The following MRPL47 variants were observed in gnomAD, a reference collection of about 807,000 sequenced individuals.
MRPL47 encodes large ribosomal subunit protein uL29m.
Under a neutral mutation model 34.0 loss-of-function variants are expected in MRPL47, and 31 were observed. The ratio of observed to expected loss-of-function variants is 0.91; its 90% CI spans 0.68 to 1.23. MRPL47 has a LOEUF of 1.23. MRPL47 is among the 50% of genes most tolerant of loss of function. The pLI is 0.00. For synonymous variants in MRPL47, 106 were observed against 101.6 expected (o/e 1.04, Z -0.26); for missense variants, 328 against 285.8 (o/e 1.15, Z -1.07).
intron 4 of MRPL47, among the ~76,000 whole-genome samples, chr3:179,594,546 G>A (rs1372652154): frequency 1.3e-5 from 2 of 152,188 alleles, no homozygotes; most frequent in Admixed American, 6.5e-5. Flanking sequence ...GCAGTGGCGT[G>A]ATCTTGGCTC....
At position 179,588,970 on chromosome 3, in the gene MRPL47, T is replaced by C. The variant is rs773052856; in HGVS notation, c.655A>G (p.Ile219Val). The C allele has an allele frequency of 6.2e-6, 10 of 1,612,974 alleles. No homozygotes were observed. The highest frequency in any genetic ancestry group is 6.8e-6 in the Non-Finnish European group (8 of 1,179,478). ...LRLEREKRAR[I>V]KARKENLERK... Reference sequence around the variant, plus strand: ...TCTAAATTTTCCTTCCGTGCTTTGATGCGGGCTCGTTTCTCACGTTCCAGT... The same window carrying C: ...TCTAAATTTTCCTTCCGTGCTTTGACGCGGGCTCGTTTCTCACGTTCCAGT... Residue 219 changes from isoleucine to valine, a missense_variant, in exon 7 of 7, where the codon ATC (isoleucine) becomes GTC (valine). Coordinates refer to ENST00000476781, the MANE Select transcript of MRPL47 (RefSeq NM_020409.3).
chr3:179,598,898 C>A (rs1718857973), intron 3 of MRPL47, 127 bp from the exon 4 acceptor site: 5 of 626,228 alleles, frequency 8.0e-6, no homozygotes, highest in Non-Finnish European at 1.4e-5. Flanking sequence ...GTGGCTCACA[C>A]CTGTAATCCC....
At chr3:179,603,116 A>C (rs1371553112) in intron 1 of MRPL47, among the ~76,000 whole-genome samples, 1 of 152,144 alleles carries the variant, frequency 6.6e-6, no homozygotes, top group East Asian at 1.9e-4. Context: ...TTAATACTGC[A>C]TTATAGAAGC....
chr3:179,598,828 G>T, intron 3 of MRPL47, 57 bp from the exon 4 acceptor site: 2 of 1,257,100 alleles, frequency 1.6e-6, no homozygotes, highest in Non-Finnish European at 2.3e-6. Flanking sequence ...TAATAAAGTT[G>T]TGATTTCTGA....
intron 2 of MRPL47, 31 bp downstream of exon 2, chr3:179,602,621 T>C (rs751929776): frequency 1.6e-6 from 2 of 1,239,658 alleles, no homozygotes. Context: ...TCCATAAATA[T>C]ATCTAATGTT....
intron 5 of MRPL47, 107 bp downstream of exon 5, chr3:179,593,658 A>C: frequency 1.0e-6 from 1 of 993,744 alleles, no homozygotes; most frequent in Non-Finnish European, 1.4e-6. Flanking sequence ...ACATATCTCT[A>C]ATATTATCTC....
chr3:179,591,487 T>C lies in MRPL47; in HGVS notation c.629+1157A>G, dbSNP rs1045020591. Among the ~76,000 whole-genome samples the C allele has an allele frequency of 2.0e-5, 3 of 152,262 alleles. No individual in the cohort carries two copies. In the South Asian group the frequency reaches 6.2e-4, roughly 32 times the overall value. ...TTAAGTTTGTATAGTTACCAGTGAG[T>C]GGTTCATGGGAACACTGCACTCCTC... is the stretch of plus-strand genomic sequence containing the variant. On this transcript the variant is annotated intron_variant, in intron 6 of 6. Coordinates refer to ENST00000476781, the MANE Select transcript of MRPL47 (RefSeq NM_020409.3).
chr3:179,597,019 T>C (rs974944597), intron 4 of MRPL47, among the ~76,000 whole-genome samples: 1 of 152,230 alleles, frequency 6.6e-6, no homozygotes, highest in African/African-American at 2.4e-5. Flanking sequence ...AGGGATGTCA[T>C]GTGTACAACT....
chr3:179,594,466 T>C (rs1050978324), intron 4 of MRPL47, among the ~76,000 whole-genome samples: 1 of 152,168 alleles, frequency 6.6e-6, no homozygotes, highest in Non-Finnish European at 1.5e-5. Context: ...TTATAATGTA[T>C]ATATTGGCAG....
At chr3:179,599,760 G>A (rs1348379425) in intron 3 of MRPL47, among the ~76,000 whole-genome samples, 3 of 152,146 alleles carry the variant, frequency 2.0e-5, no homozygotes, top group Non-Finnish European at 2.9e-5. Flanking sequence ...GGAGAGCAGA[G>A]CAAACATAAT....
chr3:179,599,123 C>T (rs989566809), intron 3 of MRPL47, among the ~76,000 whole-genome samples: 11 of 150,620 alleles, frequency 7.3e-5, no homozygotes, highest in Non-Finnish European at 1.6e-4. Context: ...GGGCTAAGAT[C>T]ACACTACTAT....
chr3:179,590,647 TC>T (rs1718653405), intron 6 of MRPL47, among the ~76,000 whole-genome samples: 1 of 151,372 alleles, frequency 6.6e-6, no homozygotes, highest in African/African-American at 2.4e-5. Flanking sequence ...TAAGATTTTG[TC>T]CTGTAGACAA....
chr3:179,590,421 T>C (rs1008715205), intron 6 of MRPL47, among the ~76,000 whole-genome samples: 1 of 152,154 alleles, frequency 6.6e-6, no homozygotes, highest in Non-Finnish European at 1.5e-5. Context: ...AACCCTGGGC[T>C]TGGAGCAATC....
At chr3:179,603,461 C>A (rs1379861906) in intron 1 of MRPL47, among the ~76,000 whole-genome samples, 1 of 152,124 alleles carries the variant, frequency 6.6e-6, no homozygotes. Context: ...ACGCTTTGAG[C>A]CTGGGAGGCA....
chr3:179,597,005 A>G (rs532296780), intron 4 of MRPL47, among the ~76,000 whole-genome samples: 3 of 152,320 alleles, frequency 2.0e-5, no homozygotes, highest in South Asian at 2.1e-4. Context: ...GTTTTTATAG[A>G]TAAAGGGATG....
chr3:179,604,593 C>A lies in MRPL47; in HGVS notation c.32G>T (p.Arg11Met). 1.2e-6 allele frequency: 2 copies of A among 1,614,200 alleles called. No individual in the cohort carries two copies. The highest frequency in any genetic ancestry group is 1.7e-6 in the Non-Finnish European group (2 of 1,180,034). Residue 11 changes from arginine (R) to methionine (M), a missense_variant, in exon 1 of 7, where the codon AGG becomes ATG. By Grantham distance (91) the Arg-to-Met change is moderately conservative. Transcript: ENST00000476781. ...AGATTTCAGGGCGGATGAAACTCTC[C>A]TACAAAGAAGGGCCAAACCGGCCGC... MAAAGLALLC[R>M]RVSSALKSSR...
rs1718587898 is a variant in MRPL47 at position 179,588,766 on chromosome 3, T to C, written c.*106A>G. 9.2e-7 allele frequency: 1 copy of C among 1,089,916 alleles called. No individual in the cohort carries two copies. Among genetic ancestry groups the C allele is most frequent in the African/African-American group, 1.6e-5 (1 of 63,812 alleles). 67.5% of individuals were successfully genotyped at this position (1,089,916 alleles called of 1,614,324 possible). On this transcript the variant is annotated 3_prime_UTR_variant, in exon 7 of 7. Transcript: ENST00000476781. ...CACTTAGAACAACTGATTAGTAAAG[T>C]CACTTGACTAAAAACAGAATTTCTT...
chr3:179,598,430 A>ACACACACACACACACAAAC (rs1491589511), intron 4 of MRPL47, among the ~76,000 whole-genome samples: 2 of 114,170 alleles, frequency 1.8e-5, no homozygotes, highest in East Asian at 3.3e-4. Context: ...ACACACAAAC[A>ACACACACACACACACAAAC]AAAAAAAAAA....
chr3:179,603,395 A>T (rs899075997), intron 1 of MRPL47, among the ~76,000 whole-genome samples: 1 of 152,044 alleles, frequency 6.6e-6, no homozygotes, highest in Non-Finnish European at 1.5e-5. Context: ...AAAATTAGCC[A>T]GGCATAGTAG....
Sources: allele counts gnomAD v4.1 joint callset (sites outside exome capture counted in the v4.1 genomes callset), GRCh38; gene constraint gnomAD v4.1.1; transcripts MANE v1.5; gene names NCBI Gene and HGNC (gene_info 2026-07-23, HGNC 2026-07-21).